The following COMMD5 variants were observed in gnomAD, a reference collection of about 807,000 sequenced individuals.
The protein encoded by COMMD5 is COMM domain containing 5, also known as COMM domain-containing protein 5.
A neutral mutation model predicts 6.9 loss-of-function variants in COMMD5; 10 were observed. The observed-to-expected ratio is 1.44, with a 90% confidence interval of 0.89 to 2.45. The LOEUF (loss-of-function observed/expected upper bound fraction) is 2.45, where lower values mean the gene tolerates loss of function less well. Among genes scored for constraint, COMMD5 ranks in the 30% most tolerant of loss-of-function variants. The probability of loss-of-function intolerance (pLI) is 0.00; values close to 1 mark genes in which losing one functional copy is unlikely to be tolerated. For synonymous variants in COMMD5, 127 were observed against 125.3 expected (o/e 1.01, Z -0.09); for missense variants, 234 against 287.8 (o/e 0.81, Z 1.35).
chr8:144,843,587 C>CAAAAA (rs10544649), intron 1 of COMMD5: 3 of 93,656 alleles, frequency 3.2e-5, no homozygotes, highest in African/African-American at 8.4e-5. Flanking sequence ...GACTCCCTCT[C>CAAAAA]AAAAAAAAAA....
exon 2 of COMMD5, chr8:144,841,731 T>C (rs778013111): frequency 6.2e-7 from 1 of 1,614,110 alleles, no homozygotes; most frequent in East Asian, 2.2e-5. Flanking sequence ...TCAGAGCCAC[T>C]TCAGATATCG....
Position 144,842,689 on chromosome 8 carries a change from C to T in COMMD5, c.*117-946G>A, listed in dbSNP as rs748321934. ...TAAAGGAGAGAAGCCCTACGAATGCCTCCAATGCGGAAAAGCCTTCAGTAT... is the reference window on the plus strand; with the variant it reads ...TAAAGGAGAGAAGCCCTACGAATGCTTCCAATGCGGAAAAGCCTTCAGTAT... On this transcript the variant is annotated intron_variant and NMD_transcript_variant, in intron 1 of 1. Coordinates refer to the COMMD5 transcript ENST00000530332. 4 of 1,613,966 alleles carry T rather than the reference C, an allele frequency of 2.5e-6. No individual in the cohort carries two copies. In the East Asian group the frequency reaches 8.9e-5, roughly 36 times the overall value.
At chr8:144,845,306 G>A (rs1284268634), downstream of COMMD5, among the ~76,000 whole-genome samples, 1 of 152,130 alleles carries the variant, frequency 6.6e-6, no homozygotes, top group African/African-American at 2.4e-5. Context: ...GGCCCAGCAG[G>A]TGCAGGCACA....
chr8:144,841,585 CCCAAGACCTTCA>C, exon 2 of COMMD5: 1 of 1,614,154 alleles, frequency 6.2e-7, no homozygotes, highest in South Asian at 1.1e-5. Context: ...GACTGTGGTT[CCCAAGACCTTCA>C]CCAAGGACGC....
intron 1 of COMMD5, among the ~76,000 whole-genome samples, chr8:144,844,448 C>T (rs565973205): frequency 5.3e-5 from 8 of 152,182 alleles, no homozygotes; most frequent in African/African-American, 7.2e-5. Flanking sequence ...TGGTGGCTCA[C>T]GCCTGTAATC....
chr8:144,844,095 C>T (rs1468174337), intron 1 of COMMD5, among the ~76,000 whole-genome samples: 4 of 152,220 alleles, frequency 2.6e-5, no homozygotes, highest in Non-Finnish European at 5.9e-5. Context: ...TGAGGTCACA[C>T]TTGTGTCCCA....
At chr8:144,849,512 C>G (rs965472456), downstream of COMMD5, among the ~76,000 whole-genome samples, 1 of 152,142 alleles carries the variant, frequency 6.6e-6, no homozygotes, top group Non-Finnish European at 1.5e-5. Flanking sequence ...CCAAGCAACC[C>G]CAGGCACTCA....
chr8:144,848,281 G>A (rs1373372485), downstream of COMMD5, among the ~76,000 whole-genome samples: 1 of 151,946 alleles, frequency 6.6e-6, no homozygotes, highest in African/African-American at 2.4e-5. Context: ...ATTCCAGACT[G>A]GATGATGGGG....
Position 144,851,067 on chromosome 8 carries a change from G to GT in COMMD5, c.271dup (p.Thr91AsnfsTer17). 6.2e-7 allele frequency: 1 copy of GT among 1,612,514 alleles called. No homozygotes were observed. Among genetic ancestry groups the GT allele is most frequent in the Non-Finnish European group, 8.5e-7 (1 of 1,179,820 alleles). On this transcript the variant is annotated frameshift_variant, in exon 2 of 2. Coordinates refer to ENST00000305103, the MANE Select transcript of COMMD5 (RefSeq NM_014066.4). LOFTEE classifies it high-confidence loss of function. ...CAGACGGAGGGCCTGCTGGAGCAGT[G>GT]TGTGCATGCCTGCCAGCAGGGCACC...
intron 1 of COMMD5, chr8:144,843,439 T>A: frequency 3.7e-6 from 1 of 273,796 alleles, no homozygotes; most frequent in Non-Finnish European, 6.8e-6. Context: ...ATACAAAAAT[T>A]TAGCTGGGCG....
chr8:144,844,307 CGT>C (rs1351694241), intron 1 of COMMD5, among the ~76,000 whole-genome samples: 2 of 152,224 alleles, frequency 1.3e-5, no homozygotes, highest in Admixed American at 6.5e-5. Context: ...CCAGCACACC[CGT>C]GTGCGCACAG....
At chr8:144,843,310 C>A in intron 1 of COMMD5, 1 of 1,104,800 alleles carries the variant, frequency 9.1e-7, no homozygotes, top group Non-Finnish European at 1.3e-6. Flanking sequence ...CAACTTCAGG[C>A]CGAGTGTGGT....
downstream of COMMD5, among the ~76,000 whole-genome samples, chr8:144,848,200 G>T (rs1346984283): frequency 6.6e-6 from 1 of 151,976 alleles, no homozygotes; most frequent in African/African-American, 2.4e-5. Context: ...CTGAAAATTA[G>T]CCGGGTGTGG....
intron 1 of COMMD5, among the ~76,000 whole-genome samples, chr8:144,844,436 C>T (rs114790777): frequency 0.015 from 2,285 of 152,062 alleles, 57 homozygotes; most frequent in African/African-American, 0.052. Flanking sequence ...ATGGGCCGGG[C>T]GTGGTGGCTC....
chr8:144,852,565 A>C (rs1427146292), intron 1 of COMMD5: 3 of 152,280 alleles, frequency 2.0e-5, no homozygotes, highest in Non-Finnish European at 4.4e-5. Context: ...ACGGCGCCCC[A>C]TTCTCCCTGG....
chr8:144,846,051 G>A (rs1341216297), downstream of COMMD5: 23 of 1,536,460 alleles, frequency 1.5e-5, no homozygotes, highest in Non-Finnish European at 2.0e-5. Context: ...CCTGTTCCTG[G>A]CCTTCCAAAA....
chr8:144,838,214 T>C (rs1479323506), downstream of COMMD5: 9 of 694,522 alleles, frequency 1.3e-5, no homozygotes, highest in Non-Finnish European at 2.4e-5. Context: ...TCTGTGTTCA[T>C]GTGGCCATCT....
exon 2 of COMMD5, chr8:144,841,591 A>G (rs1212552469): frequency 5.6e-6 from 9 of 1,613,984 alleles, no homozygotes; most frequent in Non-Finnish European, 6.8e-6. Flanking sequence ...GGTTCCCAAG[A>G]CCTTCACCAA....
downstream of COMMD5, chr8:144,841,036 T>C: frequency 3.6e-6 from 1 of 276,222 alleles, no homozygotes; most frequent in Non-Finnish European, 6.8e-6. Flanking sequence ...ACCCTTCTGG[T>C]CTTGCTTTGT....
Sources: allele counts gnomAD v4.1 joint callset (sites outside exome capture counted in the v4.1 genomes callset), GRCh38; gene constraint gnomAD v4.1.1; transcripts MANE v1.5; gene names NCBI Gene and HGNC (gene_info 2026-07-23, HGNC 2026-07-21).